CMC1: variants seen among roughly 807,000 people sequenced by gnomAD.
CMC1 encodes COX assembly mitochondrial protein homolog.
A neutral mutation model predicts 14.1 loss-of-function variants in CMC1; 14 were observed. That is an observed-to-expected ratio of 0.99 (90% CI 0.66 to 1.55). The LOEUF (loss-of-function observed/expected upper bound fraction) is 1.55, where lower values mean the gene tolerates loss of function less well. CMC1 is among the 40% of genes most tolerant of loss of function. CMC1 has a pLI of 0.00. For missense variants in CMC1, 127 were observed against 123.8 expected (o/e 1.03, Z -0.12); for synonymous variants, 50 against 38.4 (o/e 1.30, Z -1.12).
chr3:28,311,435 GTTCATGCTGTTGGT>G (rs1421383318), intron 2 of CMC1, among the ~76,000 whole-genome samples: 1 of 152,162 alleles, frequency 6.6e-6, no homozygotes, highest in African/African-American at 2.4e-5. Context: ...ATGAAATACT[GTTCATGCTGTTGGT>G]TATACAGAAT....
chr3:28,263,719 A>G (rs2125463036), intron 2 of CMC1, among the ~76,000 whole-genome samples: 1 of 152,264 alleles, frequency 6.6e-6, no homozygotes, highest in African/African-American at 2.4e-5. Context: ...CAAATCTAAC[A>G]TATACCTGTT....
intron 2 of CMC1, among the ~76,000 whole-genome samples, chr3:28,289,724 A>T (rs536281340): frequency 1.3e-5 from 2 of 152,180 alleles, no homozygotes; most frequent in African/African-American, 4.8e-5. Flanking sequence ...GGCTTTCAGT[A>T]TTTACTTCCT....
chr3:28,314,788 TAATA>T (rs141506997), intron 2 of CMC1, among the ~76,000 whole-genome samples: 7,256 of 152,216 alleles, frequency 0.048, 540 homozygotes, highest in African/African-American at 0.16. Context: ...TTTATGCATT[TAATA>T]AATCTCATTT....
chr3:28,288,514 A>G (rs1266315298), intron 2 of CMC1, among the ~76,000 whole-genome samples: 1 of 151,974 alleles, frequency 6.6e-6, no homozygotes. Flanking sequence ...TCTTTAGGAA[A>G]TTTTGGGTCT....
intron 2 of CMC1, among the ~76,000 whole-genome samples, chr3:28,304,979 T>A (rs150064699): frequency 6.6e-6 from 1 of 152,316 alleles, no homozygotes; most frequent in East Asian, 1.9e-4. Context: ...TGCAGGTTTG[T>A]TACATGAGTA....
At chr3:28,269,992 C>T (rs1037810367) in intron 2 of CMC1, among the ~76,000 whole-genome samples, 1 of 152,318 alleles carries the variant, frequency 6.6e-6, no homozygotes, top group African/African-American at 2.4e-5. Flanking sequence ...TCTCATTGTT[C>T]AGCTCCCACT....
chr3:28,295,936 G>A (rs914705560), intron 2 of CMC1, among the ~76,000 whole-genome samples: 1 of 152,002 alleles, frequency 6.6e-6, no homozygotes, highest in Non-Finnish European at 1.5e-5. Flanking sequence ...AACCCATGTT[G>A]TTCAAGGGTC....
Position 28,321,537 on chromosome 3 carries a change from ATCTG to A in CMC1, c.*1912_*1915del, listed in dbSNP as rs1324114220. ...ACTGAAGATTTTTTTCACCTGGTAC[ATCTG>A]TCTCAGTTGTGTCTTGCTTGCTTAT... On this transcript the variant is annotated 3_prime_UTR_variant, in exon 4 of 4. Transcript: ENST00000466830. 1 of 151,360 alleles carries A rather than the reference ATCTG, an allele frequency of 6.6e-6. No individual in the cohort carries two copies. The highest frequency in any genetic ancestry group is 1.5e-5 in the Non-Finnish European group (1 of 67,560). 9.4% of individuals were successfully genotyped at this position (151,360 alleles called of 1,614,324 possible).
At chr3:28,280,870 CA>C (rs1388397396) in intron 2 of CMC1, among the ~76,000 whole-genome samples, 4 of 152,312 alleles carry the variant, frequency 2.6e-5, no homozygotes, top group African/African-American at 9.6e-5. Flanking sequence ...TGGCAAACTG[CA>C]GCCTGATGCC....
At chr3:28,278,404 T>G (rs1444246702) in intron 2 of CMC1, among the ~76,000 whole-genome samples, 1 of 152,192 alleles carries the variant, frequency 6.6e-6, no homozygotes, top group African/African-American at 2.4e-5. Context: ...AAAATCTCTC[T>G]TATAAAGGGA....
At chr3:28,284,162 C>T (rs1577044622) in intron 2 of CMC1, among the ~76,000 whole-genome samples, 1 of 152,084 alleles carries the variant, frequency 6.6e-6, no homozygotes, top group East Asian at 1.9e-4. Context: ...TATTGTTGAG[C>T]ATATTGAGGA....
intron 2 of CMC1, among the ~76,000 whole-genome samples, chr3:28,309,486 A>G (rs943772867): frequency 6.6e-6 from 1 of 152,020 alleles, no homozygotes; most frequent in African/African-American, 2.4e-5. Flanking sequence ...TCGTCCTTCT[A>G]TTACACTCAT....
chr3:28,312,606 T>A (rs1439429933), intron 2 of CMC1, among the ~76,000 whole-genome samples: 1 of 152,184 alleles, frequency 6.6e-6, no homozygotes, highest in Non-Finnish European at 1.5e-5. Context: ...ATCTGGAAGT[T>A]CCATAAATTA....
chr3:28,314,337 T>C (rs1016575141), intron 2 of CMC1, among the ~76,000 whole-genome samples: 1 of 152,220 alleles, frequency 6.6e-6, no homozygotes, highest in Admixed American at 6.5e-5. Flanking sequence ...GCTATAAGTC[T>C]GCTTTGCCTT....
intron 2 of CMC1, among the ~76,000 whole-genome samples, chr3:28,302,583 C>T (rs1702110246): frequency 6.6e-6 from 1 of 152,100 alleles, no homozygotes; most frequent in Non-Finnish European, 1.5e-5. Context: ...TGAAATTTAG[C>T]ACTTCATTAT....
intron 2 of CMC1, among the ~76,000 whole-genome samples, chr3:28,274,212 G>GTTTTTTGTTTT (rs1700447113): frequency 1.1e-5 from 1 of 88,200 alleles, no homozygotes. Context: ...AAGTGTTTTT[G>GTTTTTTGTTTT]TTTTTTTCTT....
At chr3:28,261,563 A>G (rs1043168005) in intron 1 of CMC1, among the ~76,000 whole-genome samples, 3 of 152,188 alleles carry the variant, frequency 2.0e-5, no homozygotes, top group Non-Finnish European at 4.4e-5. Flanking sequence ...CAGGTGTTCA[A>G]TTTGCCATTT....
Position 28,322,235 on chromosome 3 carries a change from A to G in CMC1, c.*2606A>G, listed in dbSNP as rs1251589013. The G allele has an allele frequency of 1.3e-5, 2 of 151,270 alleles. No homozygotes were observed. Among genetic ancestry groups the G allele is most frequent in the African/African-American group, 4.8e-5 (2 of 41,348 alleles). 9.4% of individuals were successfully genotyped at this position (151,270 alleles called of 1,614,324 possible). ...TCATCACTGTACTGTTTAAATGGAA[A>G]ATAATTTTCTCCACTCAAAAGCTGG... On this transcript the variant is annotated 3_prime_UTR_variant, in exon 4 of 4. Coordinates refer to ENST00000466830, the MANE Select transcript of CMC1 (RefSeq NM_182523.2).
At position 28,300,582 on chromosome 3, in the gene CMC1, G is replaced by T. The variant is rs571418299; in HGVS notation, c.110-15751G>T. 1.5e-3 allele frequency among the ~76,000 whole-genome samples: 228 copies of T among 150,518 alleles called. 1 individual carries two copies. Among genetic ancestry groups the T allele is most frequent in the African/African-American group, 1.8e-3 (74 of 40,956 alleles). On this transcript the variant is annotated intron_variant, in intron 2 of 3. Coordinates refer to ENST00000466830, the MANE Select transcript of CMC1 (RefSeq NM_182523.2). ...CTCTCCCCTCTCCAGCACCCAAAAT[G>T]ATTTCTATCTCTCTTCCTTCCTTCC...
Sources: gnomAD v4.1 joint callset for allele counts (sites outside exome capture counted in the v4.1 genomes callset) on GRCh38, gnomAD v4.1.1 for gene constraint, MANE v1.5 for transcripts, NCBI Gene and HGNC (gene_info 2026-07-23, HGNC 2026-07-21) for gene names.